Variants in SEMA5A observed in about 807,000 individuals in gnomAD.
SEMA5A encodes the protein semaphorin 5A.
A neutral mutation model predicts 135.5 loss-of-function variants in SEMA5A; 55 were observed. That is an observed-to-expected ratio of 0.41 (90% CI 0.33 to 0.51). The LOEUF (loss-of-function observed/expected upper bound fraction) is 0.51. Ranked by LOEUF, SEMA5A falls within the 20% of genes least tolerant of loss-of-function variation. The pLI, the probability that SEMA5A is intolerant of heterozygous loss-of-function variation, is 0.37. For missense variants in SEMA5A, 1,290 were observed against 1,419.9 expected (o/e 0.91, Z 1.47); for synonymous variants, 580 against 546.5 (o/e 1.06, Z -0.85).
At chr5:9,074,460 C>T (rs969368061) in intron 16 of SEMA5A, among the ~76,000 whole-genome samples, 1 of 151,968 alleles carries the variant, frequency 6.6e-6, no homozygotes, top group Admixed American at 6.6e-5. Context: ...ATACCAAAAG[C>T]ACCATCCATA....
chr5:9,507,876 C>T (rs1039724733), intron 1 of SEMA5A, among the ~76,000 whole-genome samples: 8 of 151,870 alleles, frequency 5.3e-5, no homozygotes, highest in Middle Eastern at 3.2e-3. Context: ...TGGTGGCGGG[C>T]GCCTGTAGTC....
At chr5:9,170,341 G>C (rs1276256793) in intron 11 of SEMA5A, among the ~76,000 whole-genome samples, 2 of 152,104 alleles carry the variant, frequency 1.3e-5, no homozygotes, top group Non-Finnish European at 2.9e-5. Context: ...ACCCATGCAT[G>C]TCACTAGTAC....
rs1735779883 is a variant in SEMA5A at position 9,038,622 on chromosome 5, G to C, written c.*4275C>G. ...TAGACAAAACGATTAGCTGAGTATAGACTTGATATATGTTTAAGGTAAAAT... is the reference window on the plus strand; with the variant it reads ...TAGACAAAACGATTAGCTGAGTATACACTTGATATATGTTTAAGGTAAAAT... On this transcript the variant is annotated 3_prime_UTR_variant, in exon 23 of 23. Coordinates refer to ENST00000382496, the MANE Select transcript of SEMA5A (RefSeq NM_003966.3). 6.6e-6 allele frequency: 1 copy of C among 152,140 alleles called. No individual in the cohort carries two copies. The highest frequency in any genetic ancestry group is 1.5e-5 in the Non-Finnish European group (1 of 68,028). The allele number at this position is 152,140 out of a possible 1,614,324, so 9.4% of individuals were successfully genotyped here.
At chr5:9,467,568 A>G (rs750881098) in intron 1 of SEMA5A, among the ~76,000 whole-genome samples, 1 of 152,186 alleles carries the variant, frequency 6.6e-6, no homozygotes, top group Non-Finnish European at 1.5e-5. Flanking sequence ...CAGCTGGCCA[A>G]GTGGGTATAC....
chr5:9,098,237 CAATA>C (rs3063984), intron 16 of SEMA5A, among the ~76,000 whole-genome samples: 2,428 of 140,296 alleles, frequency 0.017, 32 homozygotes, highest in Non-Finnish European at 0.025. Flanking sequence ...GACTCTGTCT[CAATA>C]AATAAATAAA....
Position 9,095,918 on chromosome 5 carries a change from T to C in SEMA5A, c.2073+12222A>G, listed in dbSNP as rs76702000. The stretch of plus-strand genomic sequence containing the variant: ...CTATAGCATGCCTCATTCTTGTTCA[T>C]TGAACATTGGTATTAAGATTATATT... On this transcript the variant is annotated intron_variant, in intron 16 of 22. Transcript: ENST00000382496. 2.9e-3 allele frequency among the ~76,000 whole-genome samples: 442 copies of C among 152,360 alleles called. 1 individual carries two copies. Among genetic ancestry groups the C allele is most frequent in the African/African-American group, 0.01 (426 of 41,584 alleles).
At chr5:9,438,690 C>T (rs1469355287) in intron 1 of SEMA5A, among the ~76,000 whole-genome samples, 1 of 152,144 alleles carries the variant, frequency 6.6e-6, no homozygotes, top group East Asian at 1.9e-4. Context: ...CTCTACACTT[C>T]CCAGGTGGCA....
intron 12 of SEMA5A, among the ~76,000 whole-genome samples, chr5:9,149,806 C>A (rs944511874): frequency 6.6e-6 from 1 of 152,142 alleles, no homozygotes; most frequent in African/African-American, 2.4e-5. Context: ...GATTTCTAGA[C>A]AAGATTATTA....
chr5:9,147,458 G>T (rs1418164395), intron 12 of SEMA5A, among the ~76,000 whole-genome samples: 1 of 151,966 alleles, frequency 6.6e-6, no homozygotes. Context: ...TTTTAGTAGA[G>T]ACAGGGTTTC....
chr5:9,419,991 T>A (rs1332312601), intron 2 of SEMA5A, among the ~76,000 whole-genome samples: 1 of 152,138 alleles, frequency 6.6e-6, no homozygotes, highest in African/African-American at 2.4e-5. Flanking sequence ...TTTCAGGATG[T>A]GTACTGTTGG....
chr5:9,365,883 G>A (rs1224675767), intron 3 of SEMA5A, among the ~76,000 whole-genome samples: 1 of 152,178 alleles, frequency 6.6e-6, no homozygotes, highest in Non-Finnish European at 1.5e-5. Context: ...CCAAGGGCAA[G>A]AGCCAACCCC....
chr5:9,225,221 C>G (rs1433309745), intron 7 of SEMA5A, among the ~76,000 whole-genome samples: 2 of 151,624 alleles, frequency 1.3e-5, no homozygotes, highest in African/African-American at 4.8e-5. Context: ...ATATAAAAAC[C>G]AGTGTCAATA....
intron 1 of SEMA5A, among the ~76,000 whole-genome samples, chr5:9,480,753 T>C (rs1172281068): frequency 6.6e-6 from 1 of 152,044 alleles, no homozygotes; most frequent in Non-Finnish European, 1.5e-5. Flanking sequence ...GTGTGCAAAT[T>C]AGAGGTGTCA....
intron 3 of SEMA5A, among the ~76,000 whole-genome samples, chr5:9,374,234 C>G (rs1755263103): frequency 6.6e-6 from 1 of 151,524 alleles, no homozygotes; most frequent in South Asian, 2.1e-4. Context: ...ACAGGAGGAG[C>G]CTGCAGTGGC....
intron 6 of SEMA5A, among the ~76,000 whole-genome samples, chr5:9,230,158 C>CTTTTTTTTTTTTTT (rs5865817): frequency 1.0e-5 from 1 of 98,284 alleles, no homozygotes; most frequent in Non-Finnish European, 2.0e-5. Flanking sequence ...CTATTTTTTT[C>CTTTTTTTTTTTTTT]TTTTTTTTTT....
At chr5:9,109,133 C>T (rs1740101418) in intron 15 of SEMA5A, among the ~76,000 whole-genome samples, 2 of 146,280 alleles carry the variant, frequency 1.4e-5, no homozygotes, top group African/African-American at 2.5e-5. Flanking sequence ...CTCCGCCTCC[C>T]GGGTTCACGC....
Position 9,035,457 on chromosome 5 carries a change from C to T in SEMA5A, c.*7440G>A, listed in dbSNP as rs1237685698. On this transcript the variant is annotated 3_prime_UTR_variant, in exon 23 of 23. Transcript: ENST00000382496. ...TAGGTGACCTCCGCCCACCCCTGCT[C>T]CAACTTCCATAGTTGATCCAATGCA... 1 of 152,134 alleles carries T rather than the reference C, an allele frequency of 6.6e-6. No homozygotes were observed. The highest frequency in any genetic ancestry group is 2.4e-5 in the African/African-American group (1 of 41,426). The allele number at this position is 152,134 out of a possible 1,614,324, so 9.4% of individuals were successfully genotyped here. A position where few individuals can be genotyped will look rare whatever the true frequency, so the allele number is the denominator to read the frequency against.
intron 4 of SEMA5A, among the ~76,000 whole-genome samples, chr5:9,334,889 T>C (rs754463645): frequency 3.3e-5 from 5 of 152,206 alleles, no homozygotes; most frequent in Non-Finnish European, 7.3e-5. Context: ...TATGTATTCA[T>C]GTCCACCATG....
chr5:9,202,369 T>TTTTTAATCATAC, intron 8 of SEMA5A, 129 bp from the exon 9 acceptor site: 1 of 879,062 alleles, frequency 1.1e-6, no homozygotes, highest in South Asian at 1.8e-5. Context: ...ATAGGACTAT[T>TTTTTAATCATAC]GGGAGGCCCC....
Sources: gnomAD v4.1 joint callset for allele counts (sites outside exome capture counted in the v4.1 genomes callset) on GRCh38, gnomAD v4.1.1 for gene constraint, MANE v1.5 for transcripts, NCBI Gene and HGNC (gene_info 2026-07-23, HGNC 2026-07-21) for gene names.